The following ACTR3C variants were observed in gnomAD, a reference collection of about 807,000 sequenced individuals.
The protein encoded by ACTR3C is actin-related protein 3C.
Under a neutral mutation model 26.3 loss-of-function variants are expected in ACTR3C, and 18 were observed. The ratio of observed to expected loss-of-function variants is 0.68; its 90% CI spans 0.47 to 1.01. ACTR3C has a LOEUF of 1.01. Ranked by LOEUF, ACTR3C falls within the 50% of genes least tolerant of loss-of-function variation. ACTR3C has a pLI of 0.00. For synonymous variants in ACTR3C, 55 were observed against 94.5 expected, an observed-to-expected ratio of 0.58 and a Z score of 2.42; for missense variants, 184 against 250.7, an observed-to-expected ratio of 0.73 and a Z score of 1.80.
At chr7:150,230,757 A>T in the ACTR3C span, among the ~76,000 whole-genome samples, 1 of 152,132 alleles carries the variant, frequency 6.6e-6, no homozygotes, top group Non-Finnish European at 1.5e-5. Flanking sequence ...TCAGCCATCA[A>T]ATTTGTGGGC....
the ACTR3C span, among the ~76,000 whole-genome samples, chr7:149,978,730 C>T: frequency 6.6e-6 from 1 of 152,110 alleles, no homozygotes. Flanking sequence ...GCCTTATCAT[C>T]ATGCACAGCT....
At chr7:149,971,126 C>T in the ACTR3C span, among the ~76,000 whole-genome samples, 1 of 152,106 alleles carries the variant, frequency 6.6e-6, no homozygotes, top group African/African-American at 2.4e-5. Context: ...TGTTTGTGGC[C>T]CATTAACTCT....
At chr7:150,289,745 C>A (rs903562089) in intron 3 of ACTR3C, among the ~76,000 whole-genome samples, 152 bp from the exon 4 acceptor site, 1 of 152,174 alleles carries the variant, frequency 6.6e-6, no homozygotes, top group Admixed American at 6.5e-5. Flanking sequence ...AAGCTCAGTA[C>A]AGAAGGTCTT....
the ACTR3C span, among the ~76,000 whole-genome samples, chr7:150,220,888 A>C: frequency 6.6e-6 from 1 of 152,262 alleles, no homozygotes; most frequent in Non-Finnish European, 1.5e-5. Context: ...CCGGCACCCC[A>C]CCCACCCAGC....
chr7:150,110,721 T>G, the ACTR3C span, among the ~76,000 whole-genome samples: 155 of 51,206 alleles, frequency 3.0e-3, no homozygotes, highest in Middle Eastern at 0.014. Context: ...TGCCTGAGGG[T>G]GGGGCTTAGA....
At chr7:149,962,624 GATA>G in the ACTR3C span, among the ~76,000 whole-genome samples, 13 of 152,164 alleles carry the variant, frequency 8.5e-5, no homozygotes, top group African/African-American at 2.7e-4. Context: ...GGAAGCATCA[GATA>G]ATGTCAGGGC....
At chr7:150,048,953 G>A in the ACTR3C span, among the ~76,000 whole-genome samples, 6 of 152,146 alleles carry the variant, frequency 3.9e-5, no homozygotes, top group African/African-American at 1.2e-4. Context: ...CAGAGAGCCC[G>A]GCTGTGACCG....
the ACTR3C span, among the ~76,000 whole-genome samples, chr7:150,158,267 T>G: frequency 6.6e-6 from 1 of 152,034 alleles, no homozygotes; most frequent in Non-Finnish European, 1.5e-5. Context: ...ATAGTCATTA[T>G]GGAAAGTAGT....
At chr7:150,233,565 C>T in the ACTR3C span, among the ~76,000 whole-genome samples, 1 of 151,762 alleles carries the variant, frequency 6.6e-6, no homozygotes, top group Non-Finnish European at 1.5e-5. Flanking sequence ...TTTCTGTTGA[C>T]TTATCTTCAA....
chr7:150,256,641 A>G (rs1833240249), intron 6 of ACTR3C, among the ~76,000 whole-genome samples: 1 of 152,196 alleles, frequency 6.6e-6, no homozygotes. Context: ...AGGTCCAAAA[A>G]CTACCTGTTG....
the ACTR3C span, among the ~76,000 whole-genome samples, chr7:149,988,190 G>A: frequency 5.3e-5 from 8 of 152,224 alleles, no homozygotes; most frequent in Non-Finnish European, 8.8e-5. Flanking sequence ...TTCTGGATTT[G>A]TCTGGCTGTT....
At chr7:149,891,065 G>T in the ACTR3C span, 16 of 766,184 alleles carry the variant, frequency 2.1e-5, no homozygotes, top group African/African-American at 3.5e-5. Flanking sequence ...TTTCAAAAAA[G>T]CAGCCTGATT....
chr7:150,036,996 G>C, the ACTR3C span, among the ~76,000 whole-genome samples: 901 of 11,128 alleles, frequency 0.081, 23 homozygotes, highest in East Asian at 0.32. Flanking sequence ...GGGTGCCTCC[G>C]CCCCCCTGCG....
rs558224521 is a variant in ACTR3C at position 150,273,425 on chromosome 7, G to A, written c.564+11328C>T. On this transcript the variant is annotated intron_variant, in intron 6 of 7. Coordinates refer to ENST00000683684, the MANE Select transcript of ACTR3C (RefSeq NM_001164458.2). ...CCCAAGTAGCTGGGACCACAGGTGCGTTCCACCACAGCTGGCTAATTTTTT... is the reference window on the plus strand; with the variant it reads ...CCCAAGTAGCTGGGACCACAGGTGCATTCCACCACAGCTGGCTAATTTTTT... 5.3e-5 allele frequency among the ~76,000 whole-genome samples: 8 copies of A among 151,564 alleles called. No individual in the cohort carries two copies. The South Asian group carries it at 6.3e-4, about 12-fold the overall frequency.
the ACTR3C span, among the ~76,000 whole-genome samples, chr7:149,910,226 C>T: frequency 5.4e-3 from 800 of 147,260 alleles, 6 homozygotes; most frequent in African/African-American, 0.019. Context: ...GGGTGGGGGG[C>T]GGCGGTTAGA....
intron 1 of ACTR3C, among the ~76,000 whole-genome samples, chr7:150,316,134 T>C (rs1264133869): frequency 6.6e-6 from 1 of 151,970 alleles, no homozygotes; most frequent in African/African-American, 2.4e-5. Flanking sequence ...GAGGTGGAGG[T>C]TGCAGTGAGC....
the ACTR3C span, among the ~76,000 whole-genome samples, chr7:150,227,988 G>A: frequency 2.0e-5 from 3 of 152,000 alleles, no homozygotes; most frequent in Admixed American, 1.3e-4. Flanking sequence ...ATTCTAGGAA[G>A]GTCTTTGTCC....
At chr7:150,318,899 G>A (rs925460153) in intron 1 of ACTR3C, among the ~76,000 whole-genome samples, 2 of 152,108 alleles carry the variant, frequency 1.3e-5, no homozygotes, top group Admixed American at 1.3e-4. Context: ...CTCCCTTAGG[G>A]GTTTATTTTA....
the ACTR3C span, among the ~76,000 whole-genome samples, chr7:149,896,294 C>T: frequency 6.6e-6 from 1 of 152,182 alleles, no homozygotes; most frequent in African/African-American, 2.4e-5. Flanking sequence ...CACACAGACT[C>T]TGAAGTTATG....
Sources: gnomAD v4.1 joint callset for allele counts (sites outside exome capture counted in the v4.1 genomes callset) on GRCh38, gnomAD v4.1.1 for gene constraint, MANE v1.5 for transcripts, NCBI Gene and HGNC (gene_info 2026-07-23, HGNC 2026-07-21) for gene names.